PTPRT: variants seen among roughly 807,000 people sequenced by gnomAD.
PTPRT encodes protein tyrosine phosphatase receptor type T.
Under a neutral mutation model 176.8 loss-of-function variants are expected in PTPRT, and 56 were observed. That is an observed-to-expected ratio of 0.32 (90% CI 0.26 to 0.40). The LOEUF (loss-of-function observed/expected upper bound fraction) is 0.40. Ranked by LOEUF, PTPRT falls within the 10% of genes least tolerant of loss-of-function variation. The pLI is 1.00. For missense variants in PTPRT, 1,540 were observed against 1,908.2 expected (o/e 0.81, Z 3.60); for synonymous variants, 783 against 739.0 (o/e 1.06, Z -0.96).
intron 1 of PTPRT, among the ~76,000 whole-genome samples, chr20:42,893,503 A>G (rs1404131842): frequency 8.6e-5 from 13 of 151,536 alleles, no homozygotes; most frequent in Admixed American, 7.9e-4. Flanking sequence ...CAGCCATCCC[A>G]TTACTGGGTA....
At chr20:42,352,829 C>T (rs2058305609) in intron 9 of PTPRT, among the ~76,000 whole-genome samples, 1 of 151,888 alleles carries the variant, frequency 6.6e-6, no homozygotes, top group African/African-American at 2.4e-5. Flanking sequence ...CCTCGTGTAA[C>T]CCATAAATAT....
intron 5 of PTPRT, among the ~76,000 whole-genome samples, chr20:42,771,024 A>G (rs2077054733): frequency 6.6e-6 from 1 of 152,164 alleles, no homozygotes; most frequent in South Asian, 2.1e-4. Context: ...CATAGCACAC[A>G]CTTTCTTCCC....
intron 7 of PTPRT, among the ~76,000 whole-genome samples, chr20:42,509,501 T>G (rs1488373989): frequency 5.2e-5 from 6 of 116,472 alleles, no homozygotes; most frequent in Non-Finnish European, 8.1e-5. Context: ...AGATATAAAT[T>G]ATATAATTTA....
intron 2 of PTPRT, among the ~76,000 whole-genome samples, chr20:42,878,744 G>A (rs917906397): frequency 6.6e-6 from 1 of 152,154 alleles, no homozygotes; most frequent in African/African-American, 2.4e-5. Flanking sequence ...AGAAAGCAAC[G>A]CTGGCCGGGC....
intron 5 of PTPRT, among the ~76,000 whole-genome samples, chr20:42,759,021 G>C (rs1436104936): frequency 2.0e-5 from 3 of 152,168 alleles, no homozygotes; most frequent in African/African-American, 7.2e-5. Context: ...GTAGTGCAGG[G>C]AGAAAGGCGG....
chr20:42,631,028 A>G (rs2074393963), intron 7 of PTPRT, among the ~76,000 whole-genome samples: 1 of 152,148 alleles, frequency 6.6e-6, no homozygotes, highest in African/African-American at 2.4e-5. Flanking sequence ...TTACAGAAAA[A>G]AAAATCCTCG....
intron 9 of PTPRT, among the ~76,000 whole-genome samples, chr20:42,402,953 G>C (rs1445919273): frequency 6.6e-6 from 1 of 152,030 alleles, no homozygotes; most frequent in East Asian, 1.9e-4. Context: ...ATATACAGCT[G>C]ACATATATAA....
intron 6 of PTPRT, among the ~76,000 whole-genome samples, chr20:42,721,223 G>C (rs376237595): frequency 6.6e-6 from 1 of 152,194 alleles, no homozygotes; most frequent in African/African-American, 2.4e-5. Flanking sequence ...GGAGATGAAG[G>C]GTACTTGAAG....
At chr20:42,573,731 C>T (rs62203790) in intron 7 of PTPRT, among the ~76,000 whole-genome samples, 4,157 of 150,126 alleles carry the variant, frequency 0.028, 85 homozygotes, top group Middle Eastern at 0.075. Flanking sequence ...AATGGCAAGA[C>T]GGACCCTTTC....
chr20:43,026,107 A>G (rs1037605692), intron 1 of PTPRT, among the ~76,000 whole-genome samples: 3 of 151,820 alleles, frequency 2.0e-5, no homozygotes, highest in African/African-American at 7.2e-5. Flanking sequence ...ATATTTAGAG[A>G]CATTATTGTT....
intron 7 of PTPRT, among the ~76,000 whole-genome samples, chr20:42,547,392 T>C (rs1027811636): frequency 1.3e-5 from 2 of 151,636 alleles, no homozygotes; most frequent in African/African-American, 4.9e-5. Flanking sequence ...ATAGAAACAC[T>C]GTAAAATGAA....
intron 7 of PTPRT, among the ~76,000 whole-genome samples, chr20:42,613,884 C>T (rs2145832223): frequency 6.6e-6 from 1 of 151,220 alleles, no homozygotes; most frequent in East Asian, 2.0e-4. Context: ...TGCTTTCAGT[C>T]CTTCACAACC....
At chr20:42,984,420 T>C (rs1264835799) in intron 1 of PTPRT, among the ~76,000 whole-genome samples, 2 of 152,200 alleles carry the variant, frequency 1.3e-5, no homozygotes, top group Admixed American at 1.3e-4. Flanking sequence ...CTGACACAAA[T>C]ACAGCTCTCC....
intron 6 of PTPRT, among the ~76,000 whole-genome samples, chr20:42,711,954 C>T (rs6072840): frequency 0.01 from 1,585 of 152,152 alleles, 11 homozygotes; most frequent in Non-Finnish European, 0.017. Flanking sequence ...CCATGACTCT[C>T]ATTCACTGTG....
chr20:42,054,389 T>C, the PTPRT span, among the ~76,000 whole-genome samples: 2 of 152,228 alleles, frequency 1.3e-5, no homozygotes, highest in African/African-American at 4.8e-5. Context: ...TTTTGCACTT[T>C]AGAGAGACAG....
chr20:42,540,055 G>A lies in PTPRT; in HGVS notation c.1154-67493C>T, dbSNP rs528519305. On this transcript the variant is annotated intron_variant, in intron 7 of 30. Transcript: ENST00000373187. ...TTTCCAGAGTGAAACAGCCCACCAT[G>A]TGCTCAACCAAATAAATGGATAAAA... 5.3e-5 allele frequency among the ~76,000 whole-genome samples: 8 copies of A among 152,286 alleles called. No individual in the cohort carries two copies. In the South Asian group the frequency reaches 1.0e-3, roughly 20 times the overall value.
At chr20:42,849,849 G>A (rs2078438723) in intron 2 of PTPRT, among the ~76,000 whole-genome samples, 1 of 152,158 alleles carries the variant, frequency 6.6e-6, no homozygotes, top group Non-Finnish European at 1.5e-5. Flanking sequence ...CAGGTCTCCA[G>A]ATGCCTATGT....
intron 1 of PTPRT, among the ~76,000 whole-genome samples, chr20:43,058,911 G>A (rs1291706382): frequency 6.6e-6 from 1 of 152,136 alleles, no homozygotes; most frequent in East Asian, 1.9e-4. Flanking sequence ...AGCTGCACTG[G>A]GGCCCACTGG....
chr20:42,671,795 A>T (rs1050300929), intron 7 of PTPRT, among the ~76,000 whole-genome samples: 19 of 152,200 alleles, frequency 1.2e-4, no homozygotes, highest in African/African-American at 4.3e-4. Context: ...AAGAAACAAA[A>T]TGATAAATAA....
Sources: gnomAD v4.1 joint callset for allele counts (sites outside exome capture counted in the v4.1 genomes callset) on GRCh38, gnomAD v4.1.1 for gene constraint, MANE v1.5 for transcripts, NCBI Gene and HGNC (gene_info 2026-07-23, HGNC 2026-07-21) for gene names.